The following LETM2 variants were observed in gnomAD, a reference collection of about 807,000 sequenced individuals.
LETM2 encodes the protein LETM1 domain-containing protein LETM2, mitochondrial.
LETM2 carries 58 observed loss-of-function variants against 59.6 expected under a neutral mutation model. The observed-to-expected ratio is 0.97, with a 90% CI of 0.79 to 1.21. The LOEUF (loss-of-function observed/expected upper bound fraction) is 1.21. Ranked by LOEUF, LETM2 falls within the 50% of genes most tolerant of loss-of-function variation. The pLI, the probability that LETM2 is intolerant of heterozygous loss-of-function variation, is 0.00. For synonymous variants in LETM2, 199 were observed against 214.1 expected (o/e 0.93, Z 0.62); for missense variants, 572 against 575.7 (o/e 0.99, Z 0.07).
intron 8 of LETM2, 132 bp downstream of exon 8, chr8:38,404,638 G>A: frequency 1.6e-6 from 1 of 634,788 alleles, no homozygotes. Flanking sequence ...CTGGCTTTAT[G>A]TGTTTTAAAA....
At chr8:38,399,364 T>TA (rs1705034464) in intron 4 of LETM2, among the ~76,000 whole-genome samples, 2 of 152,220 alleles carry the variant, frequency 1.3e-5, no homozygotes, top group African/African-American at 2.4e-5. Flanking sequence ...CTAGTTAAAC[T>TA]GTAAGCCACA....
intron 8 of LETM2, among the ~76,000 whole-genome samples, chr8:38,405,176 G>A (rs546983022): frequency 6.6e-6 from 1 of 152,212 alleles, no homozygotes; most frequent in East Asian, 1.9e-4. Flanking sequence ...AATGGTTCCT[G>A]TTCTATTTCA....
intron 1 of LETM2, chr8:38,386,935 CCCAGACCCCGCCGCAT>C (rs1309827829): frequency 6.6e-6 from 1 of 152,448 alleles, no homozygotes; most frequent in Non-Finnish European, 1.5e-5. Context: ...AAGCATATCC[CCCAGACCCCGCCGCAT>C]GCAGGCCGCG....
chr8:38,404,778 G>C, intron 8 of LETM2: 1 of 338,792 alleles, frequency 3.0e-6, no homozygotes. Context: ...TCAGGAGTTT[G>C]AAACTAGCCT....
upstream of LETM2, chr8:38,382,787 G>C (rs1811632213): frequency 6.6e-6 from 1 of 152,324 alleles, no homozygotes; most frequent in South Asian, 2.1e-4. The surrounding 1 kb of genome is among the most constrained non-coding windows in gnomAD (Gnocchi z 4.2). Flanking sequence ...TCAGGGAAGG[G>C]CTCCGGTTCC....
intron 2 of LETM2, among the ~76,000 whole-genome samples, chr8:38,390,979 C>T (rs911873559): frequency 9.2e-5 from 14 of 151,716 alleles, no homozygotes; most frequent in African/African-American, 2.2e-4. Context: ...GCGTGCCTGG[C>T]GACAAATTTT....
At chr8:38,398,860 C>T (rs1812912962) in intron 4 of LETM2, among the ~76,000 whole-genome samples, 1 of 151,622 alleles carries the variant, frequency 6.6e-6, no homozygotes, top group African/African-American at 2.4e-5. Context: ...GCTGGAATTA[C>T]AGGCATGTGC....
At position 38,404,381 on chromosome 8, in the gene LETM2, C is replaced by A. The variant is rs1199313210; in HGVS notation, c.1105-12C>A. 1 of 1,568,968 alleles carries A rather than the reference C, an allele frequency of 6.4e-7. No individual in the cohort carries two copies. Reference sequence around the variant, plus strand: ...TCTGATTCTCACGTGTTGTTCCCCTCCCGTTCTCCAGTGGCAGGACCTCCA... The same window carrying A: ...TCTGATTCTCACGTGTTGTTCCCCTACCGTTCTCCAGTGGCAGGACCTCCA... On this transcript the variant is annotated splice_polypyrimidine_tract_variant and intron_variant, in intron 7 of 10. Transcript: ENST00000379957.
At chr8:38,405,704 C>T (rs1055843056) in intron 8 of LETM2, among the ~76,000 whole-genome samples, 2 of 152,208 alleles carry the variant, frequency 1.3e-5, no homozygotes, top group Non-Finnish European at 2.9e-5. Flanking sequence ...TTCTATCCAA[C>T]TCTTGGATCC....
intron 3 of LETM2, chr8:38,393,879 AG>A: frequency 5.1e-6 from 2 of 390,226 alleles, no homozygotes; most frequent in Non-Finnish European, 9.0e-6. Flanking sequence ...AACCAAGCTG[AG>A]CATGGCACAT....
intron 2 of LETM2, among the ~76,000 whole-genome samples, chr8:38,390,818 GA>G (rs1377788271): frequency 1.3e-5 from 2 of 150,716 alleles, no homozygotes; most frequent in East Asian, 4.0e-4. Context: ...GAGTAGCTGG[GA>G]CTACAGGTGC....
At chr8:38,400,519 T>C (rs748311712) in intron 5 of LETM2, 110 bp downstream of exon 5, 28 of 1,015,522 alleles carry the variant, frequency 2.8e-5, no homozygotes, top group Non-Finnish European at 2.2e-5. Context: ...ATTGCAAATA[T>C]CTAAATTATG....
At chr8:38,389,419 T>A (rs1281886854) in intron 2 of LETM2, among the ~76,000 whole-genome samples, 1 of 151,796 alleles carries the variant, frequency 6.6e-6, no homozygotes, top group Non-Finnish European at 1.5e-5. Flanking sequence ...TGTTTCTCCA[T>A]GTTGGCCAGG....
intron 4 of LETM2, among the ~76,000 whole-genome samples, chr8:38,397,551 G>A (rs1812786819): frequency 6.6e-6 from 1 of 152,194 alleles, no homozygotes; most frequent in African/African-American, 2.4e-5. Flanking sequence ...GGTTGAAGTA[G>A]GCAGTTCCAG....
chr8:38,389,274 T>C (rs910333486), intron 2 of LETM2, among the ~76,000 whole-genome samples: 1 of 152,122 alleles, frequency 6.6e-6, no homozygotes, highest in African/African-American at 2.4e-5. Context: ...TGGAGTGCAA[T>C]GGCACAATCT....
upstream of LETM2, among the ~76,000 whole-genome samples, chr8:38,385,948 G>A (rs1811756823): frequency 6.6e-6 from 1 of 152,184 alleles, no homozygotes; most frequent in Non-Finnish European, 1.5e-5. Context: ...CATTGAGAAA[G>A]CAAATATTTT....
chr8:38,394,026 G>C, intron 3 of LETM2, 72 bp from the exon 4 acceptor site: 1 of 1,184,810 alleles, frequency 8.4e-7, no homozygotes, highest in East Asian at 2.9e-5. Context: ...GGGTTTTTTT[G>C]GTTTTGTTTT....
chr8:38,397,422 G>GT (rs1385577601), intron 4 of LETM2, among the ~76,000 whole-genome samples: 1 of 152,234 alleles, frequency 6.6e-6, no homozygotes, highest in Non-Finnish European at 1.5e-5. Context: ...GACTTAAAGA[G>GT]TAAGTGGCAT....
At chr8:38,384,392 T>C (rs188531181), upstream of LETM2, among the ~76,000 whole-genome samples, 1 of 152,354 alleles carries the variant, frequency 6.6e-6, no homozygotes. Flanking sequence ...ATACTTGATC[T>C]GGTGGCATAT....
Sources: gnomAD v4.1 joint callset for allele counts (sites outside exome capture counted in the v4.1 genomes callset) on GRCh38, gnomAD v4.1.1 for gene constraint, Gnocchi (gnomAD v3.1) non-coding constraint, MANE v1.5 for transcripts, NCBI Gene and HGNC (gene_info 2026-07-23, HGNC 2026-07-21) for gene names.